The following CDH4 variants were observed in gnomAD, a reference collection of about 807,000 sequenced individuals.
The protein encoded by CDH4 is cadherin 4, also known as cadherin-4.
Under a neutral mutation model 86.0 loss-of-function variants are expected in CDH4, and 33 were observed. That is an observed-to-expected ratio of 0.38 (90% CI 0.29 to 0.51). CDH4 has a LOEUF of 0.51. CDH4 is among the 20% of genes least tolerant of loss of function. The pLI is 0.86. For missense variants in CDH4, 1,114 were observed against 1,307.4 expected (o/e 0.85, Z 2.28); for synonymous variants, 555 against 549.4 (o/e 1.01, Z -0.14).
intron 2 of CDH4, among the ~76,000 whole-genome samples, chr20:61,700,326 G>A (rs2087761610): frequency 6.6e-6 from 1 of 152,214 alleles, no homozygotes; most frequent in South Asian, 2.1e-4. Context: ...TGACTGGCCG[G>A]GTAGGAAATA....
Position 61,901,748 on chromosome 20 carries a change from T to G in CDH4, c.1188+6701T>G, listed in dbSNP as rs560116814. Among the ~76,000 whole-genome samples, 45 of 152,304 alleles carry G rather than the reference T, an allele frequency of 3.0e-4. 1 individual carries two copies. The South Asian group carries it at 8.9e-3, about 30-fold the overall frequency. On this transcript the variant is annotated intron_variant, in intron 8 of 15. Transcript: ENST00000614565. ...CGCTTCTGAGTAAGCGGCAGCTCAG[T>G]GAAAGCATCAATCCCACGCTGGCCC...
At chr20:61,605,475 GTCTCTCCCTGTC>G (rs1055654670) in intron 2 of CDH4, among the ~76,000 whole-genome samples, 7 of 150,142 alleles carry the variant, frequency 4.7e-5, no homozygotes, top group Admixed American at 1.3e-4. Flanking sequence ...CTCTCTATTT[GTCTCTCCCTGTC>G]TCTCTCCCCC....
intron 2 of CDH4, among the ~76,000 whole-genome samples, chr20:61,729,075 A>G (rs993604953): frequency 6.6e-6 from 1 of 151,892 alleles, no homozygotes; most frequent in African/African-American, 2.4e-5. Flanking sequence ...AATGACAAGC[A>G]AGGCTTTGCC....
At chr20:61,306,266 TA>T (rs1425824983) in intron 2 of CDH4, among the ~76,000 whole-genome samples, 1 of 152,258 alleles carries the variant, frequency 6.6e-6, no homozygotes, top group Non-Finnish European at 1.5e-5. Context: ...TAGATTCCTT[TA>T]AAAATGCAGT....
intron 2 of CDH4, among the ~76,000 whole-genome samples, chr20:61,304,946 A>G (rs551492006): frequency 1.0e-4 from 14 of 136,566 alleles, no homozygotes; most frequent in African/African-American, 2.8e-4. Flanking sequence ...TATGTGTTGT[A>G]TGTGTGTGTG....
chr20:61,528,472 A>AG (rs2085929003), intron 2 of CDH4, among the ~76,000 whole-genome samples: 1 of 34,372 alleles, frequency 2.9e-5, no homozygotes, highest in Non-Finnish European at 5.6e-5. Flanking sequence ...AGGGAGGGGG[A>AG]GGGGGAGAAA....
chr20:61,773,630 G>C (rs2088805649), intron 4 of CDH4, among the ~76,000 whole-genome samples: 1 of 152,206 alleles, frequency 6.6e-6, no homozygotes, highest in Non-Finnish European at 1.5e-5. Context: ...AGCTCCCAAG[G>C]CCACCCGAGA....
At chr20:61,267,244 C>G (rs2084162257) in intron 2 of CDH4, among the ~76,000 whole-genome samples, 1 of 152,242 alleles carries the variant, frequency 6.6e-6, no homozygotes, top group South Asian at 2.1e-4. Context: ...AATCCACCCA[C>G]TGAACTGGGA....
chr20:61,635,640 A>G (rs918333739), intron 2 of CDH4, among the ~76,000 whole-genome samples: 1 of 152,154 alleles, frequency 6.6e-6, no homozygotes, highest in Non-Finnish European at 1.5e-5. Flanking sequence ...AGGCTGGGCT[A>G]TCACCACCAG....
intron 2 of CDH4, among the ~76,000 whole-genome samples, chr20:61,558,391 T>C (rs763517593): frequency 4.6e-5 from 7 of 151,968 alleles, no homozygotes; most frequent in East Asian, 1.9e-4. Context: ...TCAGTACCCA[T>C]GGAGAAATTC....
chr20:61,355,673 CA>C lies in CDH4; in HGVS notation c.169+100739del, dbSNP rs574441957. On this transcript the variant is annotated intron_variant, in intron 2 of 15. Coordinates refer to ENST00000614565, the MANE Select transcript of CDH4 (RefSeq NM_001794.5). ...GAGGAGCAGTAGCTGGTAGTTAAGA[CA>C]AAGGGAGAAACCATGTAGACATGCA... Among the ~76,000 whole-genome samples the C allele has an allele frequency of 2.2e-4, 34 of 152,322 alleles. No homozygotes were observed. In the South Asian group the frequency reaches 6.8e-3, roughly 31 times the overall value.
chr20:61,677,849 G>C (rs1418830163), intron 2 of CDH4, among the ~76,000 whole-genome samples: 1 of 147,602 alleles, frequency 6.8e-6, no homozygotes, highest in African/African-American at 2.5e-5. Context: ...TGATAGGCTA[G>C]ATAGATAATA....
chr20:61,820,512 ACT>A (rs1161448340), intron 4 of CDH4, among the ~76,000 whole-genome samples: 1 of 152,144 alleles, frequency 6.6e-6, no homozygotes, highest in African/African-American at 2.4e-5. Flanking sequence ...CCCAAGGGTC[ACT>A]CTGTCCACAC....
intron 2 of CDH4, among the ~76,000 whole-genome samples, chr20:61,549,767 A>G (rs1486444684): frequency 6.6e-6 from 1 of 152,246 alleles, no homozygotes; most frequent in Non-Finnish European, 1.5e-5. Context: ...CATGGTTCTC[A>G]GAGTCCAGAT....
At chr20:61,904,157 G>A (rs989552890) in intron 8 of CDH4, among the ~76,000 whole-genome samples, 1 of 152,186 alleles carries the variant, frequency 6.6e-6, no homozygotes, top group African/African-American at 2.4e-5. Context: ...CCGAGCTGGC[G>A]GGAGCCGTCA....
chr20:61,876,327 C>A (rs1370763433), intron 7 of CDH4, among the ~76,000 whole-genome samples: 1 of 152,244 alleles, frequency 6.6e-6, no homozygotes, highest in African/African-American at 2.4e-5. Context: ...TCCGATGGGG[C>A]CTCGCCGTCC....
At chr20:61,363,902 T>C (rs1332230117) in intron 2 of CDH4, among the ~76,000 whole-genome samples, 1 of 152,224 alleles carries the variant, frequency 6.6e-6, no homozygotes, top group African/African-American at 2.4e-5. Context: ...GTAGAACCCG[T>C]ACTATGATAT....
intron 2 of CDH4, among the ~76,000 whole-genome samples, chr20:61,640,718 C>G (rs1568728504): frequency 6.6e-6 from 1 of 152,190 alleles, no homozygotes; most frequent in Non-Finnish European, 1.5e-5. Context: ...TGAATCCATA[C>G]ATGATTTTCC....
chr20:61,310,981 C>T (rs183181115), intron 2 of CDH4, among the ~76,000 whole-genome samples: 10 of 152,242 alleles, frequency 6.6e-5, no homozygotes, highest in Non-Finnish European at 4.4e-5. Flanking sequence ...AGGAATTTGA[C>T]GGGGACACAG....
Sources: allele counts gnomAD v4.1 joint callset (sites outside exome capture counted in the v4.1 genomes callset), GRCh38; gene constraint gnomAD v4.1.1; transcripts MANE v1.5; gene names NCBI Gene and HGNC (gene_info 2026-07-23, HGNC 2026-07-21).